The following LUC7L variants were observed in gnomAD, a reference collection of about 807,000 sequenced individuals.
LUC7L encodes the protein LUC7 like.
Under a neutral mutation model 51.1 loss-of-function variants are expected in LUC7L, and 29 were observed. The ratio of observed to expected loss-of-function variants is 0.57; its 90% CI spans 0.42 to 0.77. LUC7L has a LOEUF of 0.77. Ranked by LOEUF, LUC7L falls within the 30% of genes least tolerant of loss-of-function variation. The pLI is 0.00. For missense variants in LUC7L, 403 were observed against 511.9 expected, an observed-to-expected ratio of 0.79 and a Z score of 2.05; for synonymous variants, 181 against 180.7, an observed-to-expected ratio of 1.00 and a Z score of -0.01.
At chr16:223,831 G>A (rs769221734) in intron 2 of LUC7L, among the ~76,000 whole-genome samples, 6 of 151,654 alleles carry the variant, frequency 4.0e-5, no homozygotes, top group Non-Finnish European at 5.9e-5. Context: ...CACCACGCCC[G>A]GCTAATATTT....
intron 3 of LUC7L, among the ~76,000 whole-genome samples, chr16:210,476 C>A (rs2049607398): frequency 6.6e-6 from 1 of 152,142 alleles, no homozygotes; most frequent in East Asian, 1.9e-4. Flanking sequence ...TATTAAGGAG[C>A]TGACAAGGGT....
At chr16:227,552 A>T in intron 1 of LUC7L, 3 of 1,375,768 alleles carry the variant, frequency 2.2e-6, no homozygotes, top group South Asian at 1.5e-5. Flanking sequence ...ACTTAATGAG[A>T]TCTGACTCCA....
intron 9 of LUC7L, 110 bp downstream of exon 9, chr16:189,858 T>TGAGGGTGAGCCCAGCCCCATCCCC: frequency 6.7e-7 from 1 of 1,498,500 alleles, no homozygotes; most frequent in South Asian, 1.3e-5. Context: ...GCCCTACTCC[T>TGAGGGTGAGCCCAGCCCCATCCCC]GAGGGTGAGC....
rs759199307 is a variant in LUC7L, at chr16:229,262, TG to T, written c.61+16del. On this transcript the variant is annotated intron_variant, in intron 1 of 9. Transcript: ENST00000293872. Reference sequence around the variant, plus strand: ...CTCCCACCCCAGACCCTCGCCTGGTTGGCCGCTCTGACTCACCGTCCCGAGC... The same window carrying T: ...CTCCCACCCCAGACCCTCGCCTGGTTGCCGCTCTGACTCACCGTCCCGAGC... 1.3e-6 allele frequency: 2 copies of T among 1,532,940 alleles called. No individual in the cohort carries two copies. The highest frequency in any genetic ancestry group is 1.7e-6 in the Non-Finnish European group (2 of 1,146,858). The allele number at this position is 1,532,940 out of a possible 1,614,324, so 95.0% of individuals were successfully genotyped here.
chr16:207,200 TAAAA>T (rs1412645306), intron 4 of LUC7L, among the ~76,000 whole-genome samples: 1 of 142,730 alleles, frequency 7.0e-6, no homozygotes, highest in Non-Finnish European at 1.5e-5. Context: ...CTCTGTCTCT[TAAAA>T]AAAAAAAAAA....
chr16:191,219 C>A (rs1431859828), intron 7 of LUC7L, among the ~76,000 whole-genome samples: 1 of 152,198 alleles, frequency 6.6e-6, no homozygotes, highest in East Asian at 1.9e-4. Context: ...CAGACACCAG[C>A]ACAGAATGTG....
At chr16:213,701 G>A (rs774123316) in intron 3 of LUC7L, among the ~76,000 whole-genome samples, 9 of 151,928 alleles carry the variant, frequency 5.9e-5, no homozygotes, top group South Asian at 4.2e-4. Context: ...CACCGCACCC[G>A]GCAGAAATCT....
chr16:203,558 A>C (rs1220076534), intron 5 of LUC7L, among the ~76,000 whole-genome samples: 1 of 152,092 alleles, frequency 6.6e-6, no homozygotes, highest in Non-Finnish European at 1.5e-5. Context: ...AATACAAAAA[A>C]TTAGCTGGGC....
chr16:210,637 G>C (rs896009984), intron 3 of LUC7L, among the ~76,000 whole-genome samples: 3 of 152,236 alleles, frequency 2.0e-5, no homozygotes, highest in Non-Finnish European at 1.5e-5. Context: ...GGATTCACTC[G>C]AGGGGTCAAA....
intron 6 of LUC7L, among the ~76,000 whole-genome samples, chr16:194,753 A>G (rs1037945563): frequency 2.0e-5 from 3 of 152,144 alleles, no homozygotes; most frequent in African/African-American, 7.2e-5. Flanking sequence ...AAAGCAATAT[A>G]AGGGGATGAG....
At chr16:190,730 C>A in intron 7 of LUC7L, 160 bp from the exon 8 acceptor site, 1 of 646,626 alleles carries the variant, frequency 1.5e-6, no homozygotes, top group South Asian at 1.9e-5. Flanking sequence ...GAACACAAAA[C>A]CTGGCCAGGC....
In LUC7L at chr16:211,808, G is replaced by A. The variant is rs113002375; in HGVS notation, c.256-3620C>T. On this transcript the variant is annotated intron_variant, in intron 3 of 9. Transcript: ENST00000293872. ...GCAAAACTGGACAATATCAGCACAC[G>A]TCATCTCCACTGAGGAGGCTGTCCC... Among the ~76,000 whole-genome samples the A allele has an allele frequency of 4.9e-4, 74 of 152,254 alleles. 1 individual carries two copies. In the South Asian group the frequency reaches 0.013, roughly 26 times the overall value.
At chr16:196,804 GGT>G (rs2142047277) in intron 6 of LUC7L, among the ~76,000 whole-genome samples, 1 of 152,142 alleles carries the variant, frequency 6.6e-6, no homozygotes, top group African/African-American at 2.4e-5. Context: ...TGGGATTACA[GGT>G]GTGAGCCACC....
intron 2 of LUC7L, 117 bp downstream of exon 2, chr16:227,125 A>C (rs17135705): frequency 0.058 from 43,073 of 742,066 alleles, 1,430 homozygotes; most frequent in Non-Finnish European, 0.069. Flanking sequence ...TGCCATAATT[A>C]AGCCACTTAG....
In LUC7L at chr16:214,620, G is replaced by A. The variant is rs181286126; in HGVS notation, c.255+6029C>T. ...CAGCTCACTTCAGCCTTGATCCTCC[G>A]GGCTCAACTGATCCTCCAGCCTCAG... On this transcript the variant is annotated intron_variant, in intron 3 of 9. Transcript: ENST00000293872. Among the ~76,000 whole-genome samples the A allele has an allele frequency of 2.6e-5, 4 of 152,206 alleles. No homozygotes were observed. In the East Asian group the frequency reaches 7.7e-4, roughly 29 times the overall value.
chr16:221,554 T>G (rs1242467599), intron 2 of LUC7L, among the ~76,000 whole-genome samples: 1 of 151,864 alleles, frequency 6.6e-6, no homozygotes, highest in Non-Finnish European at 1.5e-5. Context: ...CTACAAAAAT[T>G]AGCCAGGTGT....
Position 199,204 on chromosome 16 carries a change from A to C in LUC7L, c.545T>G (p.Phe182Cys). The stretch of plus-strand genomic sequence containing the variant: ...GCAGACACGCAGCTTTTGCTGCTGA[A>C]AACTGGATGCAGGCATGGAATTTCT... Reference protein sequence around the residue: ...EYRNSMPASSFQQQKLRVCEV... With the variant: ...EYRNSMPASSCQQQKLRVCEV... The change falls in exon 6 of 10, where the codon TTT (phenylalanine) becomes TGT (cysteine). Residue 182 changes from phenylalanine to cysteine, a missense_variant. Phe to Cys is a radical substitution (Grantham distance 205, BLOSUM62 -2). Transcript: ENST00000293872. The C allele has an allele frequency of 3.7e-6, 6 of 1,606,120 alleles. No individual in the cohort carries two copies. The highest frequency in any genetic ancestry group is 5.1e-6 in the Non-Finnish European group (6 of 1,173,488).
intron 2 of LUC7L, among the ~76,000 whole-genome samples, chr16:223,141 C>G (rs375496684): frequency 3.6e-4 from 55 of 151,018 alleles, no homozygotes; most frequent in African/African-American, 1.2e-3. Context: ...GGGCGGATCA[C>G]GAGGTCAGGA....
At position 190,761 on chromosome 16, in the gene LUC7L, T is replaced by C. The variant is rs112391800; in HGVS notation, c.777-191A>G. ...CAGGCGTGGTGGCGGGTGCCTGTAA[T>C]CCCAGCTACTCAGGAGACTGAGGCA... On this transcript the variant is annotated intron_variant, in intron 7 of 9. Coordinates refer to ENST00000293872, the MANE Select transcript of LUC7L (RefSeq NM_201412.3). 2.4e-3 allele frequency: 1,417 copies of C among 589,702 alleles called. 13 individuals are homozygous for C. Among genetic ancestry groups the C allele is most frequent in the African/African-American group, 0.024 (1,275 of 53,574 alleles). 36.5% of individuals were successfully genotyped at this position (589,702 alleles called of 1,614,324 possible). A position where few individuals can be genotyped will look rare whatever the true frequency, so the allele number is the denominator to read the frequency against.
Sources: gnomAD v4.1 joint callset for allele counts (sites outside exome capture counted in the v4.1 genomes callset) on GRCh38, gnomAD v4.1.1 for gene constraint, MANE v1.5 for transcripts, NCBI Gene and HGNC (gene_info 2026-07-23, HGNC 2026-07-21) for gene names.